The following PLIN5 variants were observed in gnomAD, a reference collection of about 807,000 sequenced individuals.
PLIN5 encodes the protein perilipin-5.
Under a neutral mutation model 32.8 loss-of-function variants are expected in PLIN5, and 34 were observed. That is an observed-to-expected ratio of 1.04 (90% confidence interval 0.79 to 1.38). PLIN5 has a LOEUF of 1.38. Among genes scored for constraint, PLIN5 ranks in the 40% most tolerant of loss-of-function variants. The pLI, the probability that PLIN5 is intolerant of heterozygous loss-of-function variation, is 0.00. For synonymous variants in PLIN5, 309 were observed against 292.9 expected (o/e 1.05, Z -0.56); for missense variants, 712 against 660.5 (o/e 1.08, Z -0.85).
Position 4,535,215 on chromosome 19 carries a change from G to C in PLIN5, c.-72C>G, listed in dbSNP as rs541593977. The C allele has an allele frequency of 5.9e-5, 9 of 151,382 alleles. No homozygotes were observed. The highest frequency in any genetic ancestry group is 3.9e-4 in the East Asian group (2 of 5,188). The allele number at this position is 151,382 out of a possible 1,614,324, so 9.4% of individuals were successfully genotyped here. On this transcript the variant is annotated 5_prime_UTR_variant, in exon 1 of 8. Transcript: ENST00000381848. ...AGCTGTCTCCGCCGACCCCAGGCTC[G>C]AGTCTCCACACCCCCGCCGGTCCCG...
At chr19:4,526,094 G>A (rs1204752823) in intron 5 of PLIN5, among the ~76,000 whole-genome samples, 1 of 152,142 alleles carries the variant, frequency 6.6e-6, no homozygotes, top group African/African-American at 2.4e-5. Context: ...CAAACCCTAA[G>A]ATGTAGGCAC....
chr19:4,531,029 C>G (rs1485117960), intron 3 of PLIN5, among the ~76,000 whole-genome samples: 2 of 145,770 alleles, frequency 1.4e-5, no homozygotes, highest in Non-Finnish European at 3.0e-5. Context: ...GAAATGGAGT[C>G]TCACTCTGTT....
rs376494728 is a variant in PLIN5 at position 4,534,078 on chromosome 19, G to A, written c.-4C>T. On this transcript the variant is annotated 5_prime_UTR_variant, in exon 2 of 8. Transcript: ENST00000381848. Reference sequence around the variant, plus strand: ...GAGCCGCCTCTTCTTCAGACATCGTGCTGCAAACAGGGTCACCCTGCGGGG... The same window carrying A: ...GAGCCGCCTCTTCTTCAGACATCGTACTGCAAACAGGGTCACCCTGCGGGG... The A allele has an allele frequency of 1.2e-6, 2 of 1,611,876 alleles. No homozygotes were observed. The highest frequency in any genetic ancestry group is 1.7e-6 in the Non-Finnish European group (2 of 1,179,128).
chr19:4,534,033 C>T lies in PLIN5; in HGVS notation c.42G>A (p.Val14=), dbSNP rs776831788. ...EEAAQIPRSS[V]WEQDQQNVVQ... Reference sequence around the variant, plus strand: ...CCCTCACCTGCTGGTCCTGCTCCCACACACTGGATCTGGGGATCTGAGCCG... The same window carrying T: ...CCCTCACCTGCTGGTCCTGCTCCCATACACTGGATCTGGGGATCTGAGCCG... The change falls in exon 2 of 8, where the codon GTG becomes GTA. Residue 14 remains valine (V), a synonymous_variant. Coordinates refer to ENST00000381848, the MANE Select transcript of PLIN5 (RefSeq NM_001013706.3). 8 of 1,613,284 alleles carry T rather than the reference C, an allele frequency of 5.0e-6. No individual in the cohort carries two copies. In the South Asian group the frequency reaches 8.8e-5, roughly 18 times the overall value.
rs765549033 is a variant in PLIN5, at chr19:4,531,653, G to T, written c.230C>A (p.Pro77Gln). 1 of 1,532,852 alleles carries T rather than the reference G, an allele frequency of 6.5e-7. No homozygotes were observed. Among genetic ancestry groups the T allele is most frequent in the South Asian group, 1.2e-5 (1 of 82,872 alleles). 95.0% of individuals were successfully genotyped at this position (1,532,852 alleles called of 1,614,324 possible). A position where few individuals can be genotyped will look rare whatever the true frequency, so the allele number is the denominator to read the frequency against. ...CTGGGGCTGCAGGTGCTCGAGCAGCGGCTGGGCGTGGTCCAGGGCACGGGT... is the reference window on the plus strand; with the variant it reads ...CTGGGGCTGCAGGTGCTCGAGCAGCTGCTGGGCGTGGTCCAGGGCACGGGT... The part of the protein sequence containing the change: ...LTTRALDHAQ[P>Q]LLEHLQPQLA... The change falls in exon 3 of 8, where the codon CCG becomes CAG. Residue 77 changes from proline (P) to glutamine (Q), a missense_variant. Transcript: ENST00000381848.
chr19:4,526,169 T>C (rs1157724858), intron 5 of PLIN5, among the ~76,000 whole-genome samples: 3 of 151,998 alleles, frequency 2.0e-5, no homozygotes, highest in African/African-American at 7.2e-5. Context: ...TCCTGCAGGA[T>C]CCAAGAAGCA....
intron 5 of PLIN5, 175 bp downstream of exon 5, chr19:4,528,898 C>A (rs1976841635): frequency 4.8e-6 from 3 of 624,314 alleles, no homozygotes; most frequent in Admixed American, 3.1e-5. Flanking sequence ...TGGCGGGATG[C>A]AGGTTGAGGG....
rs1568243688 is a variant in PLIN5 at position 4,525,881 on chromosome 19, CACGGGGACAGG to C, written c.521-60_521-50del. 5 of 897,316 alleles carry C rather than the reference CACGGGGACAGG, an allele frequency of 5.6e-6. No homozygotes were observed. The African/African-American group carries it at 1.1e-4, about 20-fold the overall frequency. The allele number at this position is 897,316 out of a possible 1,614,324, so 55.6% of individuals were successfully genotyped here. On this transcript the variant is annotated intron_variant, in intron 5 of 7. Transcript: ENST00000381848. The surrounding 1 kb of genome is among the most constrained non-coding windows in gnomAD (Gnocchi z 5.6). ...GCACGGGGACAGGATACGGGGACAG[CACGGGGACAGG>C]ATACGGGGACAGCACGGGGACAGGA... is the stretch of plus-strand genomic sequence containing the variant.
At position 4,529,777 on chromosome 19, in the gene PLIN5, G is replaced by A. The variant is rs181454955; in HGVS notation, c.339+7C>T. The A allele has an allele frequency of 2.4e-4, 394 of 1,609,960 alleles. 4 individuals are homozygous for A. The African/African-American group carries it at 4.3e-3, about 18-fold the overall frequency. On this transcript the variant is annotated splice_region_variant and intron_variant, in intron 4 of 7. Coordinates refer to ENST00000381848, the MANE Select transcript of PLIN5 (RefSeq NM_001013706.3). Reference sequence around the variant, plus strand: ...TGGAGGTCCCCATGTCTAGTCGTCCGGGGTACCGTCTCCGAAGGTTGCTGG... The same window carrying A: ...TGGAGGTCCCCATGTCTAGTCGTCCAGGGTACCGTCTCCGAAGGTTGCTGG...
At position 4,524,062 on chromosome 19, in the gene PLIN5, C is replaced by A; in HGVS notation, c.858G>T (p.Leu286=). ...RSQAELETLV[L]SRSLTQELQG... ...GCAGCTCCTGGGTCAGGCTGCGGGA[C>A]AGCACCAGCGTCTCCAGCTCTGCCT... The change falls in exon 8 of 8, where the codon CTG becomes CTT. Residue 286 remains leucine, a synonymous_variant. Coordinates refer to ENST00000381848, the MANE Select transcript of PLIN5 (RefSeq NM_001013706.3). 6.9e-7 allele frequency: 1 copy of A among 1,455,512 alleles called. No homozygotes were observed. Among genetic ancestry groups the A allele is most frequent in the Non-Finnish European group, 9.0e-7 (1 of 1,110,898 alleles). The allele number at this position is 1,455,512 out of a possible 1,614,324, so 90.2% of individuals were successfully genotyped here.
rs1337713200 is a variant in PLIN5 at position 4,525,462 on chromosome 19, C to G, written c.720+171G>C. ...ACTCTCCAGGCAGAGCCATGACATC[C>G]CTGGGCTCCTCCAGGCCCGGGTCCC... On this transcript the variant is annotated intron_variant, in intron 6 of 7. Transcript: ENST00000381848. The surrounding 1 kb of genome is among the most constrained non-coding windows in gnomAD (Gnocchi z 5.6). 6.6e-6 allele frequency among the ~76,000 whole-genome samples: 1 copy of G among 152,190 alleles called. No individual in the cohort carries two copies. The highest frequency in any genetic ancestry group is 1.5e-5 in the Non-Finnish European group (1 of 68,028).
chr19:4,527,109 T>C (rs1976813404), intron 5 of PLIN5, among the ~76,000 whole-genome samples: 1 of 151,280 alleles, frequency 6.6e-6, no homozygotes, highest in South Asian at 2.1e-4. Flanking sequence ...GGAGTCTCGC[T>C]CTGTTGCCCA....
intron 1 of PLIN5, 39 bp from the exon 2 acceptor site, chr19:4,534,134 G>A (rs952758293): frequency 6.5e-7 from 1 of 1,547,118 alleles, no homozygotes; most frequent in Admixed American, 1.9e-5. Context: ...ACCTGCCCAG[G>A]CATCAGATCC....
At chr19:4,531,955 G>T in intron 2 of PLIN5, 133 bp from the exon 3 acceptor site, 2 of 864,916 alleles carry the variant, frequency 2.3e-6, no homozygotes, top group Non-Finnish European at 3.3e-6. Flanking sequence ...ACCCCGCCAC[G>T]TAGAGGCAGT....
At position 4,523,696 on chromosome 19, in the gene PLIN5, C is replaced by A. The variant is rs747491695; in HGVS notation, c.1224G>T (p.Ala408=). ...EVIGGPDPRW[A]HLDWPAQQRA... is the part of the protein sequence containing the mutation. ...TCTGCTGGGCCGGCCAGTCCAGGTG[C>A]GCCCAGCGGGGGTCAGGGCCCCCGA... Residue 408 remains alanine (A), a synonymous_variant, in exon 8 of 8, where the codon GCG becomes GCT. Transcript: ENST00000381848. This position sits in a 1 kb window ranked among gnomAD's most constrained non-coding sequence, Gnocchi z 5.0. The A allele has an allele frequency of 1.2e-6, 2 of 1,605,548 alleles. No individual in the cohort carries two copies. The highest frequency in any genetic ancestry group is 2.7e-5 in the African/African-American group (2 of 74,880).
At chr19:4,527,816 G>A (rs1442882354) in intron 5 of PLIN5, among the ~76,000 whole-genome samples, 1 of 151,620 alleles carries the variant, frequency 6.6e-6, no homozygotes, top group Non-Finnish European at 1.5e-5. Context: ...CTGCACTCCA[G>A]CCTGGGCAAC....
At chr19:4,524,835 G>A in intron 7 of PLIN5, 128 bp downstream of exon 7, 1 of 648,560 alleles carries the variant, frequency 1.5e-6, no homozygotes, top group Non-Finnish European at 2.4e-6. Flanking sequence ...GCTGAGCTCA[G>A]CACTTGGTTT....
chr19:4,532,158 C>T (rs1210925928), intron 2 of PLIN5, among the ~76,000 whole-genome samples: 1 of 152,050 alleles, frequency 6.6e-6, no homozygotes, highest in Admixed American at 6.6e-5. Flanking sequence ...CCTCAGCCTC[C>T]CAAGTAGCTG....
In PLIN5 at chr19:4,529,846, C is replaced by T. The variant is rs779392936; in HGVS notation, c.277G>A (p.Ala93Thr). 6 of 1,606,208 alleles carry T rather than the reference C, an allele frequency of 3.7e-6. No homozygotes were observed. Among genetic ancestry groups the T allele is most frequent in the East Asian group, 2.2e-5 (1 of 44,768 alleles). The change falls in exon 4 of 8, where the codon GCC (alanine) becomes ACC (threonine). Residue 93 changes from alanine to threonine, a missense_variant. Physicochemically the swap from Ala to Thr is moderately conservative, Grantham distance 58. Transcript: ENST00000381848. Reference protein sequence around the residue: ...QPQLATMNSLACRGLDKLEEK... With the variant: ...QPQLATMNSLTCRGLDKLEEK... ...TCCAGCTTGTCCAGGCCCCTGCAGG[C>T]GAGGCTGTTCATAGTGGCCACTGAA...
Sources: gnomAD v4.1 joint callset for allele counts (sites outside exome capture counted in the v4.1 genomes callset) on GRCh38, gnomAD v4.1.1 for gene constraint, Gnocchi (gnomAD v3.1) non-coding constraint, MANE v1.5 for transcripts, NCBI Gene and HGNC (gene_info 2026-07-23, HGNC 2026-07-21) for gene names.